Variants in NEMP2 observed in about 807,000 individuals in gnomAD.
NEMP2 encodes UPF0571 transmembrane protein.
A neutral mutation model predicts 54.2 loss-of-function variants in NEMP2; 53 were observed. The ratio of observed to expected loss-of-function variants is 0.98; its 90% CI spans 0.78 to 1.23. The LOEUF (loss-of-function observed/expected upper bound fraction) is 1.23. NEMP2 is among the 50% of genes most tolerant of loss of function. The pLI, the probability that NEMP2 is intolerant of heterozygous loss-of-function variation, is 0.00. For missense variants in NEMP2, 455 were observed against 511.3 expected (o/e 0.89, Z 1.06); for synonymous variants, 197 against 190.3 (o/e 1.04, Z -0.29).
upstream of NEMP2, among the ~76,000 whole-genome samples, chr2:190,536,731 C>T (rs560519661): frequency 2.0e-5 from 3 of 152,270 alleles, no homozygotes; most frequent in East Asian, 3.9e-4. Flanking sequence ...GAGAAAAACT[C>T]CCCAGCACTC....
At position 190,525,373 on chromosome 2, in the gene NEMP2, T is replaced by G. The variant is rs1215141211; in HGVS notation, c.103A>C (p.Arg35=). ...EAAAAALSVR[R]CKALKEKDLI... is the part of the protein sequence containing the mutation. ...TCTTTTTCCTTCAAAGCTTTACACCTACGAACTGAGAGATGGAAAAGGGAA... is the reference window on the plus strand; with the variant it reads ...TCTTTTTCCTTCAAAGCTTTACACCGACGAACTGAGAGATGGAAAAGGGAA... The change falls in exon 2 of 9, where the codon AGG becomes CGG. Residue 35 remains arginine, a synonymous_variant. Transcript: ENST00000409150. This position sits in a 1 kb window ranked among gnomAD's most constrained non-coding sequence, Gnocchi z 5.0. 1 of 1,510,580 alleles carries G rather than the reference T, an allele frequency of 6.6e-7. No homozygotes were observed. The allele number at this position is 1,510,580 out of a possible 1,614,324, so 93.6% of individuals were successfully genotyped here.
At chr2:190,635,546 A>T in the NEMP2 span, among the ~76,000 whole-genome samples, 1 of 152,212 alleles carries the variant, frequency 6.6e-6, no homozygotes, top group East Asian at 1.9e-4. This position sits in a 1 kb window ranked among gnomAD's most constrained non-coding sequence, Gnocchi z 4.1. Flanking sequence ...AACTTGATCA[A>T]CATCTTGTTT....
chr2:190,575,031 A>G, the NEMP2 span, among the ~76,000 whole-genome samples: 1 of 151,404 alleles, frequency 6.6e-6, no homozygotes, highest in Non-Finnish European at 1.5e-5. Context: ...CTTTTTTTGT[A>G]TTTTTAGTAG....
At chr2:190,484,531 G>A in the NEMP2 span, among the ~76,000 whole-genome samples, 11 of 152,104 alleles carry the variant, frequency 7.2e-5, no homozygotes, top group Non-Finnish European at 8.8e-5. Context: ...GGGAAATGGC[G>A]GAGGGTTTTC....
the NEMP2 span, among the ~76,000 whole-genome samples, chr2:190,591,207 T>C: frequency 2.0e-5 from 3 of 152,166 alleles, no homozygotes; most frequent in African/African-American, 4.8e-5. The surrounding 1 kb of genome is among the most constrained non-coding windows in gnomAD (Gnocchi z 5.4). Context: ...CAGGGTGTGA[T>C]GACTTATAGG....
At chr2:190,518,159 T>C (rs193061674) in intron 4 of NEMP2, among the ~76,000 whole-genome samples, 1 of 152,284 alleles carries the variant, frequency 6.6e-6, no homozygotes, top group East Asian at 1.9e-4. Context: ...ATCTACAAGC[T>C]AAGAAGTAAA....
the NEMP2 span, among the ~76,000 whole-genome samples, chr2:190,602,308 G>T: frequency 1.3e-5 from 2 of 152,196 alleles, no homozygotes; most frequent in African/African-American, 4.8e-5. Context: ...ATTCTGCAGG[G>T]CATCAGGCTG....
chr2:190,459,178 A>G, the NEMP2 span, among the ~76,000 whole-genome samples: 138 of 152,130 alleles, frequency 9.1e-4, no homozygotes, highest in Non-Finnish European at 1.7e-3. This position sits in a 1 kb window ranked among gnomAD's most constrained non-coding sequence, Gnocchi z 5.3. Flanking sequence ...TGTTTTCGTC[A>G]GTGATCTCTT....
chr2:190,453,561 A>G, the NEMP2 span, among the ~76,000 whole-genome samples: 1 of 152,266 alleles, frequency 6.6e-6, no homozygotes, highest in African/African-American at 2.4e-5. Flanking sequence ...AAGCAGTGCC[A>G]TAGAGCAGGA....
rs1691058284 is a variant in NEMP2, at chr2:190,529,310, G to GACCTTCCCTCCTCC, written c.98-3946_98-3933dup. Among the ~76,000 whole-genome samples, 1 of 152,034 alleles carries GACCTTCCCTCCTCC rather than the reference G, an allele frequency of 6.6e-6. No homozygotes were observed. Among genetic ancestry groups the GACCTTCCCTCCTCC allele is most frequent in the Non-Finnish European group, 1.5e-5 (1 of 67,984 alleles). On this transcript the variant is annotated intron_variant, in intron 1 of 8. Transcript: ENST00000409150. The surrounding 1 kb of genome is among the most constrained non-coding windows in gnomAD (Gnocchi z 4.7). ...CTTCCAGGGACCTGAGTGCCTCTAT[G>GACCTTCCCTCCTCC]ACCTTCCCTCCTCCACCTTCCCTCC... is the stretch of plus-strand genomic sequence containing the variant.
chr2:190,643,664 AT>A, the NEMP2 span, among the ~76,000 whole-genome samples: 2 of 152,294 alleles, frequency 1.3e-5, no homozygotes, highest in East Asian at 3.9e-4. Flanking sequence ...GTTAGTTATT[AT>A]TTTCTTGCAC....
chr2:190,427,048 C>T, the NEMP2 span, among the ~76,000 whole-genome samples: 2 of 152,226 alleles, frequency 1.3e-5, no homozygotes, highest in Non-Finnish European at 2.9e-5. Flanking sequence ...CCTTCAGTGA[C>T]ACCCATTGAG....
the NEMP2 span, among the ~76,000 whole-genome samples, chr2:190,637,809 G>A: frequency 6.6e-6 from 1 of 152,246 alleles, no homozygotes; most frequent in Admixed American, 6.5e-5. This position sits in a 1 kb window ranked among gnomAD's most constrained non-coding sequence, Gnocchi z 4.5. Flanking sequence ...AAATAGGGCA[G>A]AGATTTAATT....
At chr2:190,561,947 A>T in the NEMP2 span, among the ~76,000 whole-genome samples, 2 of 152,128 alleles carry the variant, frequency 1.3e-5, no homozygotes, top group East Asian at 1.9e-4. This position sits in a 1 kb window ranked among gnomAD's most constrained non-coding sequence, Gnocchi z 5.4. Context: ...TTTTTATTTT[A>T]CTATGTAGTT....
chr2:190,616,820 A>G, the NEMP2 span: 1 of 152,154 alleles, frequency 6.6e-6, no homozygotes, highest in Non-Finnish European at 1.5e-5. This position sits in a 1 kb window ranked among gnomAD's most constrained non-coding sequence, Gnocchi z 5.1. Flanking sequence ...GAAAAAAAGA[A>G]TATTTAGGCC....
chr2:190,465,646 G>A, the NEMP2 span, among the ~76,000 whole-genome samples: 1 of 152,170 alleles, frequency 6.6e-6, no homozygotes, highest in African/African-American at 2.4e-5. This position sits in a 1 kb window ranked among gnomAD's most constrained non-coding sequence, Gnocchi z 4.6. Context: ...TAGAGTGAAT[G>A]TGTTCATTTG....
chr2:190,497,878 T>TA, the NEMP2 span: 5 of 819,316 alleles, frequency 6.1e-6, no homozygotes, highest in South Asian at 5.5e-5. The surrounding 1 kb of genome is among the most constrained non-coding windows in gnomAD (Gnocchi z 5.2). Context: ...AGCACTGAGT[T>TA]AAAGAGGGTG....
At chr2:190,587,626 A>G in the NEMP2 span, among the ~76,000 whole-genome samples, 2 of 152,296 alleles carry the variant, frequency 1.3e-5, no homozygotes, top group East Asian at 3.9e-4. The surrounding 1 kb of genome is among the most constrained non-coding windows in gnomAD (Gnocchi z 5.4). Flanking sequence ...GTAGTCCACA[A>G]GCCTATTAAT....
At chr2:190,549,690 T>C in the NEMP2 span, among the ~76,000 whole-genome samples, 1 of 152,308 alleles carries the variant, frequency 6.6e-6, no homozygotes, top group South Asian at 2.1e-4. Flanking sequence ...TCAAGTTGGC[T>C]CCTGAGCCCT....
Sources: gnomAD v4.1 joint callset for allele counts (sites outside exome capture counted in the v4.1 genomes callset) on GRCh38, gnomAD v4.1.1 for gene constraint, Gnocchi (gnomAD v3.1) non-coding constraint, MANE v1.5 for transcripts, NCBI Gene and HGNC (gene_info 2026-07-23, HGNC 2026-07-21) for gene names.